The following PHF21B variants were observed in gnomAD, a reference collection of about 807,000 sequenced individuals.
PHF21B encodes PHD finger protein 21B, also known as PHD finger protein 4.
PHF21B carries 22 observed loss-of-function variants against 62.2 expected under a neutral mutation model. The ratio of observed to expected loss-of-function variants is 0.35; its 90% CI spans 0.25 to 0.51. The LOEUF is 0.51. PHF21B is among the 20% of genes least tolerant of loss of function. The pLI is 0.97. For missense variants in PHF21B, 701 were observed against 707.9 expected (o/e 0.99, Z 0.11); for synonymous variants, 341 against 314.7 (o/e 1.08, Z -0.88).
At chr22:44,986,521 CAAAAAAAAAA>C (rs3063310) in intron 2 of PHF21B, among the ~76,000 whole-genome samples, 3 of 85,882 alleles carry the variant, frequency 3.5e-5, no homozygotes, top group African/African-American at 9.0e-5. Flanking sequence ...GATCTTATTT[CAAAAAAAAAA>C]AAAAAAAAAA....
intron 2 of PHF21B, among the ~76,000 whole-genome samples, chr22:44,938,144 G>C (rs184411410): frequency 6.6e-6 from 1 of 152,186 alleles, no homozygotes; most frequent in Non-Finnish European, 1.5e-5. Context: ...CCTCGATCTC[G>C]GCTCACTGCA....
chr22:44,970,642 T>C (rs2072619641), intron 2 of PHF21B, among the ~76,000 whole-genome samples: 1 of 152,116 alleles, frequency 6.6e-6, no homozygotes. Flanking sequence ...TCAAGGTGGG[T>C]CCGTGTGGTC....
At chr22:44,977,200 A>T (rs1311224151) in intron 2 of PHF21B, among the ~76,000 whole-genome samples, 1 of 152,118 alleles carries the variant, frequency 6.6e-6, no homozygotes, top group Admixed American at 6.5e-5. Flanking sequence ...CGCTACAGGT[A>T]ACTACTACTA....
intron 6 of PHF21B, 76 bp from the exon 7 acceptor site, chr22:44,893,609 G>A: frequency 1.4e-6 from 2 of 1,386,770 alleles, no homozygotes; most frequent in African/African-American, 2.8e-5. Context: ...GCCAAGCCCT[G>A]GGCACCACCA....
At chr22:44,968,514 C>T (rs768134459) in intron 2 of PHF21B, among the ~76,000 whole-genome samples, 6 of 151,920 alleles carry the variant, frequency 3.9e-5, no homozygotes, top group African/African-American at 7.3e-5. Context: ...CGTGGTGGCA[C>T]GTGCTTGTAA....
chr22:44,946,628 T>A (rs949985164), intron 2 of PHF21B, among the ~76,000 whole-genome samples: 41 of 150,982 alleles, frequency 2.7e-4, no homozygotes, highest in Middle Eastern at 3.4e-3. Context: ...GATGGATGGG[T>A]GGATGGATGG....
chr22:44,997,040 C>G (rs949115986), intron 2 of PHF21B, among the ~76,000 whole-genome samples: 7 of 152,232 alleles, frequency 4.6e-5, no homozygotes, highest in African/African-American at 1.7e-4. Flanking sequence ...TGTCTCCCCC[C>G]CGAGTCTCTG....
intron 5 of PHF21B, among the ~76,000 whole-genome samples, chr22:44,896,519 A>C (rs1391405672): frequency 6.6e-6 from 1 of 152,224 alleles, no homozygotes; most frequent in South Asian, 2.1e-4. Context: ...TATACTTTAA[A>C]GAGCTAAGGT....
intron 2 of PHF21B, among the ~76,000 whole-genome samples, chr22:44,982,543 C>A (rs1176369700): frequency 6.6e-6 from 1 of 152,174 alleles, no homozygotes; most frequent in Non-Finnish European, 1.5e-5. Context: ...CCCAAGTGCT[C>A]GGCGGGTCCT....
At chr22:44,884,143 C>T (rs1422023224) in intron 12 of PHF21B, among the ~76,000 whole-genome samples, 1 of 147,952 alleles carries the variant, frequency 6.8e-6, no homozygotes, top group East Asian at 2.1e-4. Context: ...ATTATCACCA[C>T]CACCACCATC....
At chr22:44,991,849 G>A (rs932407708) in intron 2 of PHF21B, among the ~76,000 whole-genome samples, 5 of 152,268 alleles carry the variant, frequency 3.3e-5, no homozygotes, top group East Asian at 1.9e-4. Context: ...GGGTGAAGGG[G>A]CTGCTGAGAA....
At chr22:44,914,169 G>A (rs544141824) in intron 4 of PHF21B, 81 bp from the exon 5 acceptor site, 31 of 581,846 alleles carry the variant, frequency 5.3e-5, no homozygotes, top group Non-Finnish European at 9.6e-5. Flanking sequence ...GCACAGGGCA[G>A]GGGTTGGGGA....
At chr22:44,975,579 G>A (rs1445018714) in intron 2 of PHF21B, among the ~76,000 whole-genome samples, 2 of 152,212 alleles carry the variant, frequency 1.3e-5, no homozygotes, top group Non-Finnish European at 2.9e-5. Flanking sequence ...GAGCTATGCT[G>A]CGCACTGTGG....
chr22:44,927,956 G>C (rs537178069), intron 2 of PHF21B, among the ~76,000 whole-genome samples: 1 of 152,160 alleles, frequency 6.6e-6, no homozygotes, highest in African/African-American at 2.4e-5. Context: ...CTGAGTCTGG[G>C]GCGGGGCGGG....
chr22:44,929,029 C>T lies in PHF21B; in HGVS notation c.121-8539G>A, dbSNP rs558036928. On this transcript the variant is annotated intron_variant, in intron 2 of 12. Coordinates refer to ENST00000313237, the MANE Select transcript of PHF21B (RefSeq NM_138415.5). ...TGGAAGGCGGCCTTGCTCTCCTCCT[C>T]TCCACATGGCCCAGCCGCCACGCGC... 1.6e-4 allele frequency among the ~76,000 whole-genome samples: 24 copies of T among 152,176 alleles called. No individual in the cohort carries two copies. In the East Asian group the frequency reaches 4.4e-3, roughly 28 times the overall value.
At chr22:45,006,712 C>A (rs2073319766) in intron 2 of PHF21B, among the ~76,000 whole-genome samples, 1 of 152,094 alleles carries the variant, frequency 6.6e-6, no homozygotes, top group South Asian at 2.1e-4. Flanking sequence ...CCAAGAAAAG[C>A]TCCTAGGTTA....
chr22:44,949,892 A>G (rs1386046755), intron 2 of PHF21B, among the ~76,000 whole-genome samples: 2 of 152,192 alleles, frequency 1.3e-5, no homozygotes, highest in South Asian at 2.1e-4. Context: ...GTTAAAGCCC[A>G]TGTACTTTAA....
At chr22:44,913,690 C>T in intron 5 of PHF21B, 132 bp downstream of exon 5, 2 of 1,317,848 alleles carry the variant, frequency 1.5e-6, no homozygotes, top group Non-Finnish European at 2.0e-6. Context: ...TGGTCGCCGA[C>T]TGCACAGGGC....
chr22:44,909,785 T>C (rs2071314191), intron 5 of PHF21B, among the ~76,000 whole-genome samples: 2 of 152,246 alleles, frequency 1.3e-5, no homozygotes, highest in Admixed American at 6.5e-5. Context: ...TCCTGTTCTC[T>C]GCTGGATCCT....
Sources: gnomAD v4.1 joint callset for allele counts (sites outside exome capture counted in the v4.1 genomes callset) on GRCh38, gnomAD v4.1.1 for gene constraint, MANE v1.5 for transcripts, NCBI Gene and HGNC (gene_info 2026-07-23, HGNC 2026-07-21) for gene names.